The following COL13A1 variants were observed in gnomAD, a reference collection of about 807,000 sequenced individuals.
The protein encoded by COL13A1 is collagen type XIII alpha 1 chain.
A neutral mutation model predicts 130.9 loss-of-function variants in COL13A1; 89 were observed. That is an observed-to-expected ratio of 0.68 (90% CI 0.57 to 0.81). The LOEUF is 0.81. Among genes scored for constraint, COL13A1 ranks in the 30% least tolerant of loss-of-function variants. The probability of loss-of-function intolerance (pLI) is 0.00; values close to 1 mark genes in which losing one functional copy is unlikely to be tolerated. For missense variants in COL13A1, 879 were observed against 934.6 expected, an observed-to-expected ratio of 0.94 and a Z score of 0.78; for synonymous variants, 402 against 341.6, an observed-to-expected ratio of 1.18 and a Z score of -1.95.
intron 2 of COL13A1, among the ~76,000 whole-genome samples, chr10:69,838,388 C>T (rs1363100559): frequency 6.6e-6 from 1 of 152,236 alleles, no homozygotes; most frequent in Non-Finnish European, 1.5e-5. Context: ...GGGCAAGTGA[C>T]TTGACATCTC....
intron 2 of COL13A1, among the ~76,000 whole-genome samples, chr10:69,855,225 A>G (rs1461096295): frequency 6.6e-6 from 1 of 152,162 alleles, no homozygotes; most frequent in Non-Finnish European, 1.5e-5. Context: ...TGACATTCAG[A>G]GGGGTTGGTG....
At chr10:69,860,586 G>A in intron 2 of COL13A1, 1 of 158,366 alleles carries the variant, frequency 6.3e-6, no homozygotes, top group Non-Finnish European at 1.4e-5. Context: ...AGCTGGGTGG[G>A]GGAGGGGCAC....
At chr10:69,875,845 A>G (rs2059520971) in intron 5 of COL13A1, among the ~76,000 whole-genome samples, 1 of 151,892 alleles carries the variant, frequency 6.6e-6, no homozygotes, top group Non-Finnish European at 1.5e-5. Flanking sequence ...CACCCTCACC[A>G]CTCCCCAGCC....
At chr10:69,824,363 C>T (rs1846957663) in intron 2 of COL13A1, among the ~76,000 whole-genome samples, 1 of 152,204 alleles carries the variant, frequency 6.6e-6, no homozygotes, top group African/African-American at 2.4e-5. Context: ...TTTCTCCCTT[C>T]CCTGCCTTAT....
At chr10:69,922,895 T>G in intron 23 of COL13A1, 101 bp downstream of exon 23, 2 of 735,170 alleles carry the variant, frequency 2.7e-6, no homozygotes, top group Non-Finnish European at 4.2e-6. Flanking sequence ...CCGCCTTCTC[T>G]AGCCTTCCCC....
chr10:69,869,035 G>T (rs1225764449), intron 3 of COL13A1, among the ~76,000 whole-genome samples: 1 of 151,366 alleles, frequency 6.6e-6, no homozygotes, highest in East Asian at 1.9e-4. Flanking sequence ...CACCCCCAGG[G>T]GCAGGATGCT....
At position 69,918,203 on chromosome 10, in the gene COL13A1, G is replaced by A; in HGVS notation, c.967-82G>A. The A allele has an allele frequency of 3.2e-6, 4 of 1,255,302 alleles. No homozygotes were observed. In the South Asian group the frequency reaches 4.0e-5, roughly 12 times the overall value. The allele number at this position is 1,255,302 out of a possible 1,614,324, so 77.8% of individuals were successfully genotyped here. On this transcript the variant is annotated intron_variant, in intron 18 of 40. Coordinates refer to ENST00000645393, the MANE Select transcript of COL13A1 (RefSeq NM_001368882.1). ...GGTCCTCCTTCTCATCACACCATGG[G>A]GAGGCTGTCCACTGCCCCCCGCCCC...
At position 69,902,864 on chromosome 10, in the gene COL13A1, T is replaced by G; in HGVS notation, c.858+9T>G. On this transcript the variant is annotated intron_variant, in intron 15 of 40. Coordinates refer to ENST00000645393, the MANE Select transcript of COL13A1 (RefSeq NM_001368882.1). Reference sequence around the variant, plus strand: ...GGCCTATGGGGCCACCTGTAAGTATTCCCTTCCTCTCTCCTTCAAGACTTA... The same window carrying G: ...GGCCTATGGGGCCACCTGTAAGTATGCCCTTCCTCTCTCCTTCAAGACTTA... 1 of 1,505,382 alleles carries G rather than the reference T, an allele frequency of 6.6e-7. No individual in the cohort carries two copies. The highest frequency in any genetic ancestry group is 1.4e-5 in the African/African-American group (1 of 71,078). The allele number at this position is 1,505,382 out of a possible 1,614,324, so 93.3% of individuals were successfully genotyped here.
At chr10:69,819,327 G>A (rs1241276998) in intron 1 of COL13A1, among the ~76,000 whole-genome samples, 25 of 152,196 alleles carry the variant, frequency 1.6e-4, no homozygotes, top group Middle Eastern at 3.2e-3. Context: ...TCTACCTTAG[G>A]TTGGGTTCCC....
intron 1 of COL13A1, among the ~76,000 whole-genome samples, chr10:69,814,032 G>T (rs1843757919): frequency 6.6e-6 from 1 of 152,198 alleles, no homozygotes; most frequent in African/African-American, 2.4e-5. Context: ...TCTGACCCGG[G>T]ACCCTGACAT....
chr10:69,911,739 T>A (rs2063400833), intron 17 of COL13A1, among the ~76,000 whole-genome samples: 1 of 152,270 alleles, frequency 6.6e-6, no homozygotes, highest in Non-Finnish European at 1.5e-5. Context: ...CAGGGAGTAC[T>A]TGGTGTGTTG....
chr10:69,952,971 A>G lies in COL13A1; in HGVS notation c.2145+3A>G. 6.6e-7 allele frequency: 1 copy of G among 1,520,916 alleles called. No homozygotes were observed. Among genetic ancestry groups the G allele is most frequent in the Non-Finnish European group, 8.8e-7 (1 of 1,141,900 alleles). 94.2% of individuals were successfully genotyped at this position (1,520,916 alleles called of 1,614,324 possible). A position where few individuals can be genotyped will look rare whatever the true frequency, so the allele number is the denominator to read the frequency against. ...GATTAGATGCCCCCTGCCCATTGGTATGTTTTTGTTTATCACTTGCATTGT... is the reference window on the plus strand; with the variant it reads ...GATTAGATGCCCCCTGCCCATTGGTGTGTTTTTGTTTATCACTTGCATTGT... On this transcript the variant is annotated splice_donor_region_variant and intron_variant, in intron 39 of 40. Coordinates refer to ENST00000645393, the MANE Select transcript of COL13A1 (RefSeq NM_001368882.1).
intron 13 of COL13A1, chr10:69,897,497 C>A (rs781739504): frequency 6.2e-7 from 1 of 1,613,974 alleles, no homozygotes; most frequent in East Asian, 2.2e-5. Context: ...AGCATGCCAG[C>A]AGCTCTGCGC....
intron 26 of COL13A1, 123 bp from the exon 27 acceptor site, chr10:69,926,964 G>A (rs780031625): frequency 3.0e-5 from 40 of 1,345,872 alleles, no homozygotes; most frequent in East Asian, 2.4e-4. Context: ...ACCTGCAAGC[G>A]TCTCCCTCCA....
At position 69,935,370 on chromosome 10, in the gene COL13A1, A is replaced by T. The variant is rs376827835; in HGVS notation, c.1749A>T (p.Pro583=). The change falls in exon 32 of 41, where the codon CCA becomes CCT. Residue 583 remains proline (P), a synonymous_variant. Transcript: ENST00000645393. Reference sequence around the variant, plus strand: ...TTTAGGTTCCTGGGCTGCCAGGGCCAGAGGGGCCTCCCGGACCTCCGGTAA... The same window carrying T: ...TTTAGGTTCCTGGGCTGCCAGGGCCTGAGGGGCCTCCCGGACCTCCGGTAA... ...PGAEVPGLPG[P]EGPPGPPGLQ... is the part of the protein sequence containing the mutation. 33 of 1,577,094 alleles carry T rather than the reference A, an allele frequency of 2.1e-5. No homozygotes were observed. Among genetic ancestry groups the T allele is most frequent in the Admixed American group, 3.6e-5 (2 of 55,392 alleles).
intron 34 of COL13A1, among the ~76,000 whole-genome samples, chr10:69,938,571 G>A (rs1399632996): frequency 6.6e-6 from 1 of 152,192 alleles, no homozygotes; most frequent in Non-Finnish European, 1.5e-5. Flanking sequence ...GCCTTGCAAA[G>A]CGACTCCTTC....
chr10:69,888,342 C>T lies in COL13A1; in HGVS notation c.576+12C>T, dbSNP rs368077881. On this transcript the variant is annotated intron_variant, in intron 9 of 40. Coordinates refer to ENST00000645393, the MANE Select transcript of COL13A1 (RefSeq NM_001368882.1). ...TGGACGGCAAACCGGTAAGTGGACC[C>T]GCTCTCTCCCCTCACTGCAGGTCAG... 82 of 1,611,626 alleles carry T rather than the reference C, an allele frequency of 5.1e-5. No individual in the cohort carries two copies. The highest frequency in any genetic ancestry group is 1.6e-4 in the Middle Eastern group (1 of 6,062).
rs182371944 is a variant in COL13A1 at position 69,938,032 on chromosome 10, G to A, written c.1878+317G>A. Among the ~76,000 whole-genome samples the A allele has an allele frequency of 1.2e-3, 187 of 152,332 alleles. 1 individual carries two copies. The highest frequency in any genetic ancestry group is 4.1e-3 in the African/African-American group (169 of 41,574). On this transcript the variant is annotated intron_variant, in intron 34 of 40. Transcript: ENST00000645393. ...AGCAATCAAAGCCTGCTGCCTTTAC[G>A]GGGCCAAGCTTGGAGGGTTTGGAAG...
chr10:69,867,936 G>A, intron 3 of COL13A1, 131 bp downstream of exon 3: 1 of 655,608 alleles, frequency 1.5e-6, no homozygotes, highest in Non-Finnish European at 2.8e-6. Flanking sequence ...GCTCCTGAGG[G>A]GTCCCTCCAG....
Sources: allele counts gnomAD v4.1 joint callset (sites outside exome capture counted in the v4.1 genomes callset), GRCh38; gene constraint gnomAD v4.1.1; transcripts MANE v1.5; gene names NCBI Gene and HGNC (gene_info 2026-07-23, HGNC 2026-07-21).